Variants in GAB2 observed in about 807,000 individuals in gnomAD.
The protein encoded by GAB2 is GRB2-associated-binding protein 2.
GAB2 carries 26 observed loss-of-function variants against 65.5 expected under a neutral mutation model. The ratio of observed to expected loss-of-function variants is 0.40; its 90% CI spans 0.29 to 0.55. GAB2 has a LOEUF of 0.55. Among genes scored for constraint, GAB2 ranks in the 20% least tolerant of loss-of-function variants. GAB2 has a pLI of 0.53. For synonymous variants in GAB2, 321 were observed against 329.6 expected (o/e 0.97, Z 0.28); for missense variants, 884 against 875.8 (o/e 1.01, Z -0.12).
At position 78,370,037 on chromosome 11, in the gene GAB2, C is replaced by A. The variant is rs1001524674; in HGVS notation, c.75+47609G>T. On this transcript the variant is annotated intron_variant, in intron 1 of 9. Transcript: ENST00000361507. The stretch of plus-strand genomic sequence containing the variant: ...CTTTGGGAGGCCGAGGCGGGCGGAT[C>A]ACGAGGTCAGGAGATCGAGACCATC... Among the ~76,000 whole-genome samples, 6 of 151,938 alleles carry A rather than the reference C, an allele frequency of 3.9e-5. No individual in the cohort carries two copies. The East Asian group carries it at 1.2e-3, about 29-fold the overall frequency.
chr11:78,390,713 A>G (rs1249851297), intron 1 of GAB2, among the ~76,000 whole-genome samples: 1 of 152,226 alleles, frequency 6.6e-6, no homozygotes, highest in African/African-American at 2.4e-5. Flanking sequence ...CATCACTCCG[A>G]AAGACAGAAT....
At chr11:78,407,722 A>AAAAGAAAGAAAG (rs3054215) in intron 1 of GAB2, among the ~76,000 whole-genome samples, 10 of 144,230 alleles carry the variant, frequency 6.9e-5, no homozygotes, top group East Asian at 2.1e-4. Context: ...TTCCGTCCCA[A>AAAAGAAAGAAAG]AAAGAAAGAA....
At chr11:78,414,769 C>A (rs1050799218) in intron 1 of GAB2, among the ~76,000 whole-genome samples, 1 of 152,182 alleles carries the variant, frequency 6.6e-6, no homozygotes, top group Non-Finnish European at 1.5e-5. Flanking sequence ...CTAGAAAAGG[C>A]TGATGAAAAA....
chr11:78,346,543 TCCATATTCTTCCCA>T (rs146067588), intron 1 of GAB2, among the ~76,000 whole-genome samples: 7,014 of 150,736 alleles, frequency 0.047, 513 homozygotes, highest in African/African-American at 0.16. Context: ...ACTTTAAAGC[TCCATATTCTTCCCA>T]CCTACATCAT....
intron 2 of GAB2, among the ~76,000 whole-genome samples, chr11:78,253,873 C>T (rs572824003): frequency 6.6e-6 from 1 of 152,278 alleles, no homozygotes; most frequent in South Asian, 2.1e-4. Flanking sequence ...TTATTGCCTT[C>T]AGAATAAAGT....
chr11:78,254,969 G>C (rs1318042994), intron 2 of GAB2, among the ~76,000 whole-genome samples: 1 of 151,912 alleles, frequency 6.6e-6, no homozygotes, highest in Non-Finnish European at 1.5e-5. Flanking sequence ...AGGTTTACTA[G>C]TGTCCTTCCA....
intron 1 of GAB2, among the ~76,000 whole-genome samples, chr11:78,300,526 A>AAAAAAAAAAAAAAAC (rs768693943): frequency 1.4e-5 from 2 of 145,414 alleles, no homozygotes; most frequent in Non-Finnish European, 3.0e-5. Flanking sequence ...TAAAAAAACA[A>AAAAAAAAAAAAAAAC]AAAAACAAAA....
intron 1 of GAB2, among the ~76,000 whole-genome samples, chr11:78,308,864 T>C (rs1320999556): frequency 6.6e-6 from 1 of 152,154 alleles, no homozygotes; most frequent in Admixed American, 6.5e-5. Context: ...GTTTCCTTTA[T>C]AGTACAGTAT....
chr11:78,314,215 A>C (rs1209340451), intron 1 of GAB2, among the ~76,000 whole-genome samples: 1 of 152,210 alleles, frequency 6.6e-6, no homozygotes, highest in Non-Finnish European at 1.5e-5. Context: ...CCAGGGAGAA[A>C]CCGTTGTGAT....
intron 1 of GAB2, among the ~76,000 whole-genome samples, chr11:78,353,428 G>A (rs1856310934): frequency 6.6e-6 from 1 of 152,230 alleles, no homozygotes; most frequent in Non-Finnish European, 1.5e-5. Flanking sequence ...GTAAAAGAGT[G>A]AGACTTTGTC....
intron 1 of GAB2, among the ~76,000 whole-genome samples, chr11:78,378,865 C>T (rs979090007): frequency 6.6e-6 from 1 of 152,108 alleles, no homozygotes; most frequent in Non-Finnish European, 1.5e-5. Flanking sequence ...AACTAGAATA[C>T]ACTCAGACTA....
chr11:78,265,130 A>G (rs1366541280), intron 2 of GAB2, among the ~76,000 whole-genome samples: 1 of 151,664 alleles, frequency 6.6e-6, no homozygotes, highest in Non-Finnish European at 1.5e-5. Context: ...CGTTTAGACT[A>G]AAGTCATTAA....
At chr11:78,384,008 T>G (rs1448355340) in intron 1 of GAB2, among the ~76,000 whole-genome samples, 1 of 152,028 alleles carries the variant, frequency 6.6e-6, no homozygotes, top group African/African-American at 2.4e-5. Context: ...GACAGAGGCA[T>G]AGTTGAGCAA....
At chr11:78,225,957 G>GTAAA (rs1864632662) in intron 4 of GAB2, among the ~76,000 whole-genome samples, 1 of 152,192 alleles carries the variant, frequency 6.6e-6, no homozygotes, top group African/African-American at 2.4e-5. Flanking sequence ...ACTCTCAGTG[G>GTAAA]AAAACAAGTA....
At chr11:78,315,747 A>G (rs1478528346) in intron 1 of GAB2, among the ~76,000 whole-genome samples, 2 of 152,226 alleles carry the variant, frequency 1.3e-5, no homozygotes, top group Non-Finnish European at 2.9e-5. Flanking sequence ...ATGGAAGAAA[A>G]TATTTGCAAA....
At chr11:78,396,043 C>G (rs1352658068) in intron 1 of GAB2, among the ~76,000 whole-genome samples, 2 of 152,208 alleles carry the variant, frequency 1.3e-5, no homozygotes, top group Non-Finnish European at 2.9e-5. Flanking sequence ...CAGGTGAATG[C>G]TGATCCTTGA....
intron 1 of GAB2, among the ~76,000 whole-genome samples, chr11:78,329,898 C>T (rs2134675398): frequency 6.6e-6 from 1 of 152,334 alleles, no homozygotes; most frequent in East Asian, 1.9e-4. Context: ...GTCACCTTTA[C>T]CAAATTTGTT....
intron 1 of GAB2, among the ~76,000 whole-genome samples, chr11:78,306,145 G>T: frequency 6.6e-6 from 1 of 152,162 alleles, no homozygotes; most frequent in Admixed American, 6.5e-5. Flanking sequence ...AAATGGACAT[G>T]AGCTTTCAAT....
In GAB2 at chr11:78,223,481, G is replaced by T; in HGVS notation, c.1498C>A (p.Arg500=). Residue 500 remains arginine (R), a synonymous_variant, in exon 6 of 10, where the codon CGA becomes AGA. Transcript: ENST00000361507. ...ATCTCACTTCCTCTGCTGGGGCCTCGGTGCACAGGAAGGGTTGTTGATGGG... is the reference window on the plus strand; with the variant it reads ...ATCTCACTTCCTCTGCTGGGGCCTCTGTGCACAGGAAGGGTTGTTGATGGG... ...GYPSTTLPVH[R]GPSRGSEIQP... 1.2e-6 allele frequency: 2 copies of T among 1,603,120 alleles called. No individual in the cohort carries two copies. Among genetic ancestry groups the T allele is most frequent in the Non-Finnish European group, 8.5e-7 (1 of 1,173,638 alleles).
Sources: allele counts gnomAD v4.1 joint callset (sites outside exome capture counted in the v4.1 genomes callset), GRCh38; gene constraint gnomAD v4.1.1; transcripts MANE v1.5; gene names NCBI Gene and HGNC (gene_info 2026-07-23, HGNC 2026-07-21).